Variants in CALN1 observed in about 807,000 individuals in gnomAD.
CALN1 encodes calcium-binding protein 8.
A neutral mutation model predicts 30.6 loss-of-function variants in CALN1; 17 were observed. That is an observed-to-expected ratio of 0.56 (90% CI 0.38 to 0.83). CALN1 has a LOEUF of 0.83. Ranked by LOEUF, CALN1 falls within the 40% of genes least tolerant of loss-of-function variation. The probability of loss-of-function intolerance (pLI) is 0.00; values close to 1 mark genes in which losing one functional copy is unlikely to be tolerated. For synonymous variants in CALN1, 156 were observed against 131.4 expected (o/e 1.19, Z -1.28); for missense variants, 291 against 354.9 (o/e 0.82, Z 1.45).
At chr7:71,931,776 G>A (rs1037626802) in intron 5 of CALN1, among the ~76,000 whole-genome samples, 3 of 152,160 alleles carry the variant, frequency 2.0e-5, no homozygotes, top group Non-Finnish European at 4.4e-5. Context: ...GGAGGCTTAC[G>A]GTGGCAGGAA....
intron 4 of CALN1, among the ~76,000 whole-genome samples, chr7:72,041,991 G>A (rs1027551834): frequency 3.9e-5 from 6 of 152,064 alleles, no homozygotes; most frequent in African/African-American, 1.4e-4. Context: ...TAGTCTCTCG[G>A]GTATGTCTTT....
At chr7:72,120,824 G>A (rs1282751374) in intron 3 of CALN1, among the ~76,000 whole-genome samples, 1 of 152,128 alleles carries the variant, frequency 6.6e-6, no homozygotes, top group African/African-American at 2.4e-5. Flanking sequence ...GGCCTGCAGG[G>A]TGATCGTGGG....
chr7:72,364,550 T>A (rs1235333010), intron 2 of CALN1, among the ~76,000 whole-genome samples: 1 of 152,190 alleles, frequency 6.6e-6, no homozygotes, highest in Non-Finnish European at 1.5e-5. Flanking sequence ...GCACAAATTC[T>A]TAGAAAAGTG....
At chr7:72,210,723 C>T (rs1792328891) in intron 3 of CALN1, among the ~76,000 whole-genome samples, 1 of 151,994 alleles carries the variant, frequency 6.6e-6, no homozygotes, top group South Asian at 2.1e-4. Context: ...TTTAATACCT[C>T]CACCTGGTCT....
intron 3 of CALN1, among the ~76,000 whole-genome samples, chr7:72,237,943 G>A (rs528364284): frequency 6.6e-6 from 1 of 152,324 alleles, no homozygotes; most frequent in African/African-American, 2.4e-5. Context: ...AATGCATAAA[G>A]GACAAGGGTT....
intron 5 of CALN1, among the ~76,000 whole-genome samples, chr7:71,987,085 T>TGCACC (rs1798712112): frequency 1.3e-5 from 2 of 151,038 alleles, no homozygotes; most frequent in Non-Finnish European, 2.9e-5. Context: ...GAGATCCCGC[T>TGCACC]ACTGCACTCC....
At chr7:72,293,231 C>CA (rs1798616644) in intron 2 of CALN1, among the ~76,000 whole-genome samples, 4 of 152,124 alleles carry the variant, frequency 2.6e-5, no homozygotes, top group African/African-American at 9.7e-5. Context: ...ATGGCAGCAA[C>CA]GTATTCCCAC....
chr7:72,099,612 C>T (rs909889681), intron 4 of CALN1, among the ~76,000 whole-genome samples: 2 of 152,106 alleles, frequency 1.3e-5, no homozygotes, highest in African/African-American at 4.8e-5. Context: ...GCACTTCAAC[C>T]TCAGACTGGG....
intron 3 of CALN1, among the ~76,000 whole-genome samples, chr7:72,147,671 C>T (rs561349527): frequency 2.0e-5 from 3 of 151,994 alleles, no homozygotes; most frequent in Admixed American, 6.6e-5. Flanking sequence ...TGGCACTATT[C>T]ACAATAGCAA....
intron 3 of CALN1, among the ~76,000 whole-genome samples, chr7:72,128,054 A>ATTTTATTAT (rs1808890178): frequency 6.6e-6 from 1 of 152,176 alleles, no homozygotes; most frequent in South Asian, 2.1e-4. Flanking sequence ...GTCTTTGGGT[A>ATTTTATTAT]TGTTTGACAA....
At chr7:72,069,667 C>G (rs1261979004) in intron 4 of CALN1, among the ~76,000 whole-genome samples, 2 of 152,118 alleles carry the variant, frequency 1.3e-5, no homozygotes, top group Non-Finnish European at 2.9e-5. Flanking sequence ...AATCTCCCCC[C>G]AAATCCTTAA....
intron 5 of CALN1, among the ~76,000 whole-genome samples, chr7:71,898,548 A>G (rs1181653025): frequency 1.3e-5 from 2 of 152,124 alleles, no homozygotes; most frequent in Non-Finnish European, 2.9e-5. Context: ...TCACAAGGAG[A>G]GGAGATAGAG....
At chr7:72,407,965 A>G (rs1012431228) in intron 1 of CALN1, among the ~76,000 whole-genome samples, 2 of 152,192 alleles carry the variant, frequency 1.3e-5, no homozygotes, top group Non-Finnish European at 2.9e-5. Context: ...TCCTGAGAGT[A>G]TCCAAGAAGG....
chr7:71,841,204 G>A (rs1789919956), intron 5 of CALN1, among the ~76,000 whole-genome samples: 1 of 152,182 alleles, frequency 6.6e-6, no homozygotes, highest in African/African-American at 2.4e-5. Context: ...TGTTCCACAG[G>A]ATCATTGAAA....
chr7:72,118,572 A>G (rs1271800397), intron 3 of CALN1, among the ~76,000 whole-genome samples: 1 of 152,258 alleles, frequency 6.6e-6, no homozygotes, highest in African/African-American at 2.4e-5. Flanking sequence ...AAGCTAATGG[A>G]AAATTCCTCA....
At chr7:72,158,085 A>G (rs545318960) in intron 3 of CALN1, among the ~76,000 whole-genome samples, 6 of 152,158 alleles carry the variant, frequency 3.9e-5, no homozygotes. Context: ...AATCAGATTT[A>G]TATTTCACTC....
chr7:72,357,386 A>G (rs1430305279), intron 2 of CALN1, among the ~76,000 whole-genome samples: 2 of 151,974 alleles, frequency 1.3e-5, no homozygotes. Flanking sequence ...GGTACTGCCA[A>G]TGTTAATGAG....
At chr7:72,239,137 C>T (rs1032880238) in intron 3 of CALN1, among the ~76,000 whole-genome samples, 3 of 152,184 alleles carry the variant, frequency 2.0e-5, no homozygotes, top group Non-Finnish European at 4.4e-5. Context: ...TGGCTCATGC[C>T]TGTAATCCCA....
At chr7:72,129,938 G>A (rs1280847262) in intron 3 of CALN1, among the ~76,000 whole-genome samples, 1 of 152,140 alleles carries the variant, frequency 6.6e-6, no homozygotes, top group Non-Finnish European at 1.5e-5. Flanking sequence ...CTGGTGGGAG[G>A]GGTCTCGGTC....
Sources: allele counts gnomAD v4.1 joint callset (sites outside exome capture counted in the v4.1 genomes callset), GRCh38; gene constraint gnomAD v4.1.1; transcripts MANE v1.5; gene names NCBI Gene and HGNC (gene_info 2026-07-23, HGNC 2026-07-21).